Variants in PTDSS1 observed in about 807,000 individuals in gnomAD.
PTDSS1 encodes the protein phosphatidylserine synthase 1, also known as PSS-1.
Under a neutral mutation model 70.5 loss-of-function variants are expected in PTDSS1, and 45 were observed. The observed-to-expected ratio is 0.64, with a 90% CI of 0.50 to 0.82. The LOEUF is 0.82. Ranked by LOEUF, PTDSS1 falls within the 40% of genes least tolerant of loss-of-function variation. The probability of loss-of-function intolerance (pLI) is 0.00; values close to 1 mark genes in which losing one functional copy is unlikely to be tolerated. For synonymous variants in PTDSS1, 188 were observed against 203.8 expected (o/e 0.92, Z 0.66); for missense variants, 417 against 586.1 (o/e 0.71, Z 2.98).
At position 96,299,670 on chromosome 8, in the gene PTDSS1, A is replaced by G. The variant is rs1412572545; in HGVS notation, c.601-24A>G. 11 of 1,583,406 alleles carry G rather than the reference A, an allele frequency of 6.9e-6. 1 individual carries two copies. In the Admixed American group the frequency reaches 1.5e-4, roughly 22 times the overall value. ...TACCCCAGTTTTGTTTATTTTTCCA[A>G]CCATGGGCTCTTGTGTTTCTCAGCT... On this transcript the variant is annotated intron_variant, in intron 5 of 12. Transcript: ENST00000517309.
intron 10 of PTDSS1, among the ~76,000 whole-genome samples, chr8:96,323,197 T>C (rs1214853451): frequency 6.6e-6 from 1 of 152,190 alleles, no homozygotes; most frequent in Non-Finnish European, 1.5e-5. Context: ...GTTCAGCCAG[T>C]GCTTCAGTTC....
chr8:96,264,154 A>G (rs1810454857), intron 1 of PTDSS1, among the ~76,000 whole-genome samples: 1 of 152,214 alleles, frequency 6.6e-6, no homozygotes, highest in South Asian at 2.1e-4. Context: ...TTACTTTCAA[A>G]TACTTCATTA....
In PTDSS1 at chr8:96,334,947, A is replaced by T. The variant is rs185029313; in HGVS notation, c.*1381A>T. ...TTCTTCTTTAAGGAAATCTTTAGCC[A>T]TAGAAGTGTCACTTTTTTTTTTTCT... On this transcript the variant is annotated 3_prime_UTR_variant, in exon 13 of 13. Transcript: ENST00000517309. 10 of 152,350 alleles carry T rather than the reference A, an allele frequency of 6.6e-5. No homozygotes were observed. Among genetic ancestry groups the T allele is most frequent in the Admixed American group, 2.6e-4 (4 of 15,306 alleles). 9.4% of individuals were successfully genotyped at this position (152,350 alleles called of 1,614,324 possible).
intron 4 of PTDSS1, among the ~76,000 whole-genome samples, chr8:96,292,289 CAA>C (rs34282078): frequency 1.8e-3 from 155 of 87,846 alleles, no homozygotes; most frequent in African/African-American, 4.9e-3. Flanking sequence ...AACGCTGTCT[CAA>C]AAAAAAAAAA....
intron 2 of PTDSS1, 110 bp downstream of exon 2, chr8:96,273,500 A>G: frequency 1.2e-6 from 1 of 845,190 alleles, no homozygotes; most frequent in South Asian, 1.8e-5. Context: ...AGTTTTGTGT[A>G]GTGGTTAGGG....
intron 8 of PTDSS1, among the ~76,000 whole-genome samples, chr8:96,307,265 A>G (rs1336242260): frequency 6.6e-6 from 1 of 152,148 alleles, no homozygotes; most frequent in African/African-American, 2.4e-5. Flanking sequence ...CCAAAGGTAC[A>G]AATATAATTT....
chr8:96,264,321 C>T (rs1810457129), intron 1 of PTDSS1, among the ~76,000 whole-genome samples: 1 of 152,194 alleles, frequency 6.6e-6, no homozygotes, highest in Admixed American at 6.5e-5. Flanking sequence ...ATCTGTTTAG[C>T]TCAGTGCATG....
chr8:96,321,515 G>T (rs1014546378), intron 10 of PTDSS1, among the ~76,000 whole-genome samples: 5 of 152,086 alleles, frequency 3.3e-5, no homozygotes, highest in Non-Finnish European at 7.3e-5. Context: ...GTAATTTATC[G>T]GTTGAAGAAA....
intron 8 of PTDSS1, among the ~76,000 whole-genome samples, chr8:96,307,551 A>G (rs1811143813): frequency 6.6e-6 from 1 of 151,032 alleles, no homozygotes; most frequent in Non-Finnish European, 1.5e-5. Flanking sequence ...TAACATTCCC[A>G]TCTGTTCTTT....
At chr8:96,327,872 C>T (rs967399279) in intron 10 of PTDSS1, among the ~76,000 whole-genome samples, 3 of 152,134 alleles carry the variant, frequency 2.0e-5, no homozygotes, top group African/African-American at 7.2e-5. Context: ...TGTGCAATTG[C>T]TATTTTAAAT....
intron 1 of PTDSS1, among the ~76,000 whole-genome samples, chr8:96,268,293 T>C (rs1810515733): frequency 6.6e-6 from 1 of 152,194 alleles, no homozygotes. Context: ...CCATGTAACC[T>C]GGGATTAAAC....
Position 96,262,285 on chromosome 8 carries a change from C to T in PTDSS1, c.179+66C>T. 5 of 297,710 alleles carry T rather than the reference C, an allele frequency of 1.7e-5. No homozygotes were observed. The highest frequency in any genetic ancestry group is 3.3e-5 in the Non-Finnish European group (5 of 150,472). 18.4% of individuals were successfully genotyped at this position (297,710 alleles called of 1,614,324 possible). A position where few individuals can be genotyped will look rare whatever the true frequency, so the allele number is the denominator to read the frequency against. On this transcript the variant is annotated intron_variant, in intron 1 of 12. Coordinates refer to ENST00000517309, the MANE Select transcript of PTDSS1 (RefSeq NM_014754.3). The surrounding 1 kb of genome is among the most constrained non-coding windows in gnomAD (Gnocchi z 4.4). ...AGGGAAGAGGCGGGAGGGAGGGTGGCGGGGAGGGGGGCCCGGCATGGCTCT... is the reference window on the plus strand; with the variant it reads ...AGGGAAGAGGCGGGAGGGAGGGTGGTGGGGAGGGGGGCCCGGCATGGCTCT...
At chr8:96,305,742 G>A (rs942574389) in intron 7 of PTDSS1, among the ~76,000 whole-genome samples, 3 of 151,994 alleles carry the variant, frequency 2.0e-5, no homozygotes, top group Admixed American at 6.6e-5. Context: ...GTGCAATGGC[G>A]TGATCTCGGC....
chr8:96,325,617 C>A (rs905405280), intron 10 of PTDSS1, among the ~76,000 whole-genome samples: 1 of 152,140 alleles, frequency 6.6e-6, no homozygotes, highest in African/African-American at 2.4e-5. Context: ...ACTGCCTCTG[C>A]GGCTGTCAGG....
At chr8:96,296,132 C>CT (rs34559310) in intron 5 of PTDSS1, among the ~76,000 whole-genome samples, 6,192 of 54,310 alleles carry the variant, frequency 0.11, 1,607 homozygotes, top group Non-Finnish European at 0.16. Flanking sequence ...TCATGGTGTT[C>CT]TTTTTTTTTT....
chr8:96,265,018 T>C (rs1029667287), intron 1 of PTDSS1, among the ~76,000 whole-genome samples: 1 of 152,228 alleles, frequency 6.6e-6, no homozygotes. Flanking sequence ...TTTTTTGTAA[T>C]GATTTGTGAC....
At chr8:96,289,177 T>C (rs1177395512) in intron 4 of PTDSS1, among the ~76,000 whole-genome samples, 1 of 152,002 alleles carries the variant, frequency 6.6e-6, no homozygotes, top group East Asian at 1.9e-4. Flanking sequence ...TCAGGTGATT[T>C]GCCCTCCCAT....
intron 10 of PTDSS1, among the ~76,000 whole-genome samples, chr8:96,329,378 A>G (rs1811481868): frequency 6.6e-6 from 1 of 151,774 alleles, no homozygotes; most frequent in African/African-American, 2.4e-5. Flanking sequence ...TCTACCGCTC[A>G]CCCTCCCTCC....
At chr8:96,311,321 G>T (rs545603806) in intron 9 of PTDSS1, among the ~76,000 whole-genome samples, 1 of 152,268 alleles carries the variant, frequency 6.6e-6, no homozygotes, top group South Asian at 2.1e-4. Flanking sequence ...TGGAGTATGA[G>T]AGTATAAAGA....
Sources: gnomAD v4.1 joint callset for allele counts (sites outside exome capture counted in the v4.1 genomes callset) on GRCh38, gnomAD v4.1.1 for gene constraint, Gnocchi (gnomAD v3.1) non-coding constraint, MANE v1.5 for transcripts, NCBI Gene and HGNC (gene_info 2026-07-23, HGNC 2026-07-21) for gene names.